Variants in SNCAIP observed in about 807,000 individuals in gnomAD.
The protein encoded by SNCAIP is synphilin-1.
A neutral mutation model predicts 86.7 loss-of-function variants in SNCAIP; 43 were observed. The ratio of observed to expected loss-of-function variants is 0.50; its 90% CI spans 0.39 to 0.64. The LOEUF (loss-of-function observed/expected upper bound fraction) is 0.64, where lower values mean the gene tolerates loss of function less well. SNCAIP is among the 30% of genes least tolerant of loss of function. The pLI is 0.00. For missense variants in SNCAIP, 981 were observed against 1,103.1 expected (o/e 0.89, Z 1.57); for synonymous variants, 417 against 427.2 (o/e 0.98, Z 0.29).
At chr5:122,312,784 C>G (rs1750882398) in intron 1 of SNCAIP, 2 of 152,870 alleles carry the variant, frequency 1.3e-5, no homozygotes, top group East Asian at 3.9e-4. Context: ...ACCAGCTCCC[C>G]GACTGCCCTG....
chr5:122,381,744 C>CA (rs1766871214), intron 1 of SNCAIP, among the ~76,000 whole-genome samples: 1 of 151,910 alleles, frequency 6.6e-6, no homozygotes, highest in East Asian at 1.9e-4. Flanking sequence ...CTGGTGGTGA[C>CA]AAAATCTCTC....
At chr5:122,425,232 C>A in intron 4 of SNCAIP, 120 bp from the exon 5 acceptor site, 1 of 807,282 alleles carries the variant, frequency 1.2e-6, no homozygotes, top group Non-Finnish European at 2.2e-6. Context: ...ATTAGATCCC[C>A]AAGGCTGCCA....
chr5:122,337,794 C>T (rs1243003261), intron 1 of SNCAIP, among the ~76,000 whole-genome samples: 1 of 152,212 alleles, frequency 6.6e-6, no homozygotes, highest in Non-Finnish European at 1.5e-5. Context: ...CCCACCTCGG[C>T]CTTCCAAAGT....
intron 6 of SNCAIP, among the ~76,000 whole-genome samples, chr5:122,434,201 A>G (rs934189340): frequency 5.3e-5 from 8 of 152,184 alleles, no homozygotes; most frequent in Admixed American, 3.3e-4. Context: ...CTCCGATTTC[A>G]TTTGCTTATA....
chr5:122,448,660 A>ATAATATATATTATATG (rs1561796625), intron 8 of SNCAIP, among the ~76,000 whole-genome samples: 19 of 133,594 alleles, frequency 1.4e-4, no homozygotes, highest in Admixed American at 4.0e-4. Context: ...TTTTATATAT[A>ATAATATATATTATATG]TTATATATAT....
chr5:122,381,833 T>G (rs2152817820), intron 1 of SNCAIP, among the ~76,000 whole-genome samples: 1 of 152,316 alleles, frequency 6.6e-6, no homozygotes, highest in East Asian at 1.9e-4. Flanking sequence ...AATTCTGGGT[T>G]GAAAATTCTT....
rs886059826 is a variant in SNCAIP, at chr5:122,451,583, C to G, written c.2736C>G (p.Ser912Arg). ...DAKGNPASSA[S>R]KGKNKAA ...AGGGAAACCCTGCCAGCTCCGCTAG[C>G]AAAGGAAAGAATAAGGCAGTAAGTG... The change falls in exon 10 of 11, where the codon AGC becomes AGG. Residue 912 changes from serine to arginine, a missense_variant. By Grantham distance (110) the Ser-to-Arg change is moderately radical. Coordinates refer to ENST00000261368, the MANE Select transcript of SNCAIP (RefSeq NM_005460.4). 3 of 1,609,904 alleles carry G rather than the reference C, an allele frequency of 1.9e-6. No individual in the cohort carries two copies. In the South Asian group the frequency reaches 3.3e-5, roughly 18 times the overall value.
intron 2 of SNCAIP, among the ~76,000 whole-genome samples, chr5:122,402,816 A>C (rs960562571): frequency 2.0e-5 from 3 of 152,118 alleles, no homozygotes; most frequent in Non-Finnish European, 2.9e-5. Context: ...AAATTTTGCA[A>C]TGGTGAAGTA....
At chr5:122,362,605 G>C (rs1391547373) in intron 1 of SNCAIP, among the ~76,000 whole-genome samples, 17 of 152,184 alleles carry the variant, frequency 1.1e-4, no homozygotes. Flanking sequence ...AGAACTCATA[G>C]GAATGCTAGT....
chr5:122,413,717 C>T (rs544351632), intron 3 of SNCAIP, among the ~76,000 whole-genome samples: 1 of 151,866 alleles, frequency 6.6e-6, no homozygotes, highest in African/African-American at 2.4e-5. Context: ...GCTTTGTATT[C>T]CTGCTTTCCT....
intron 1 of SNCAIP, among the ~76,000 whole-genome samples, chr5:122,356,266 A>G (rs570528126): frequency 6.6e-6 from 1 of 151,820 alleles, no homozygotes; most frequent in African/African-American, 2.4e-5. Context: ...AGCTGGGACC[A>G]CAAGTGCCTG....
chr5:122,423,832 G>A, intron 4 of SNCAIP, 93 bp downstream of exon 4: 1 of 1,205,360 alleles, frequency 8.3e-7, no homozygotes, highest in South Asian at 1.4e-5. Flanking sequence ...TGCTGCATTT[G>A]TTTTGGTTTT....
chr5:122,316,982 G>A (rs1454410249), intron 1 of SNCAIP, among the ~76,000 whole-genome samples: 1 of 152,156 alleles, frequency 6.6e-6, no homozygotes, highest in Non-Finnish European at 1.5e-5. Context: ...TATTGCACAA[G>A]TCTAAAACCC....
chr5:122,383,197 C>T (rs898328461), intron 1 of SNCAIP, among the ~76,000 whole-genome samples: 4 of 152,326 alleles, frequency 2.6e-5, no homozygotes, highest in East Asian at 3.9e-4. Flanking sequence ...AGCGAGACTC[C>T]GTGGGCGTAG....
intron 1 of SNCAIP, among the ~76,000 whole-genome samples, chr5:122,339,720 G>A (rs189678716): frequency 1.5e-3 from 234 of 152,278 alleles, no homozygotes; most frequent in African/African-American, 5.5e-3. Flanking sequence ...AAATGTAAAT[G>A]CTATTTATGG....
intron 1 of SNCAIP, among the ~76,000 whole-genome samples, chr5:122,340,897 G>A (rs192950780): frequency 1.1e-4 from 16 of 152,164 alleles, no homozygotes; most frequent in Non-Finnish European, 1.5e-4. Context: ...TTGATTTTCA[G>A]GCTACTTTCA....
chr5:122,377,304 A>C (rs1238033623), intron 1 of SNCAIP, among the ~76,000 whole-genome samples: 1 of 152,126 alleles, frequency 6.6e-6, no homozygotes, highest in Non-Finnish European at 1.5e-5. Flanking sequence ...TCAGAACTGA[A>C]TACAATATGT....
At chr5:122,418,283 C>A (rs575831984) in intron 3 of SNCAIP, among the ~76,000 whole-genome samples, 1 of 152,150 alleles carries the variant, frequency 6.6e-6, no homozygotes, top group Non-Finnish European at 1.5e-5. Flanking sequence ...TCCTGGAAGC[C>A]AAAGTTTCAC....
intron 1 of SNCAIP, among the ~76,000 whole-genome samples, chr5:122,350,441 T>A (rs1198081950): frequency 6.6e-6 from 1 of 151,990 alleles, no homozygotes. Context: ...AAATAGATAT[T>A]ATAGTTCAGA....
Sources: gnomAD v4.1 joint callset for allele counts (sites outside exome capture counted in the v4.1 genomes callset) on GRCh38, gnomAD v4.1.1 for gene constraint, MANE v1.5 for transcripts, NCBI Gene and HGNC (gene_info 2026-07-23, HGNC 2026-07-21) for gene names.